The following BANP variants were observed in gnomAD, a reference collection of about 807,000 sequenced individuals.
BANP encodes BTG3 associated nuclear protein, also known as protein BANP.
In BANP, 11 loss-of-function variants were observed where a neutral mutation model predicts 68.1. That is an observed-to-expected ratio of 0.16 (90% CI 0.10 to 0.27). BANP has a LOEUF of 0.27. BANP is among the 10% of genes least tolerant of loss of function. The pLI is 1.00. For missense variants in BANP, 504 were observed against 722.7 expected, an observed-to-expected ratio of 0.70 and a Z score of 3.47; for synonymous variants, 329 against 303.2, an observed-to-expected ratio of 1.09 and a Z score of -0.88.
At chr16:88,027,241 G>C (rs1438461732) in intron 7 of BANP, among the ~76,000 whole-genome samples, 1 of 152,222 alleles carries the variant, frequency 6.6e-6, no homozygotes, top group Non-Finnish European at 1.5e-5. Flanking sequence ...TAAGTAAATG[G>C]AAAGAGTGTG....
rs113704778 is a variant in BANP at position 88,030,302 on chromosome 16, C to A, written c.1063+2652C>A. The stretch of plus-strand genomic sequence containing the variant: ...AATTAACTGACCAGGACATTGAAAT[C>A]TATTAAAATTACATTCAAGAATTTA... On this transcript the variant is annotated intron_variant, in intron 8 of 13. Transcript: ENST00000682872. Among the ~76,000 whole-genome samples the A allele has an allele frequency of 7.1e-4, 108 of 152,162 alleles. 1 individual carries two copies. Among genetic ancestry groups the A allele is most frequent in the African/African-American group, 2.5e-3 (105 of 41,504 alleles).
chr16:88,073,603 T>C (rs547621917), intron 13 of BANP, among the ~76,000 whole-genome samples: 5 of 152,306 alleles, frequency 3.3e-5, no homozygotes, highest in Non-Finnish European at 7.4e-5. Context: ...GCTTATTTTA[T>C]GTGGTGTGAA....
intron 11 of BANP, among the ~76,000 whole-genome samples, chr16:88,040,675 C>A (rs565781709): frequency 1.3e-5 from 2 of 152,216 alleles, no homozygotes; most frequent in Non-Finnish European, 2.9e-5. Context: ...TCAGAAGCAT[C>A]CTTCATGTGA....
chr16:88,027,364 C>G (rs1234674493), intron 7 of BANP, 119 bp from the exon 8 acceptor site: 6 of 1,132,424 alleles, frequency 5.3e-6, no homozygotes, highest in Admixed American at 4.4e-5. Context: ...CGGGGCCGGC[C>G]TGGCGGGCTG....
At position 87,978,623 on chromosome 16, in the gene BANP, G is replaced by A. The variant is rs781268616; in HGVS notation, c.71-2413G>A. On this transcript the variant is annotated intron_variant, in intron 2 of 13. Transcript: ENST00000682872. ...CCTGCCTGTGAGGAGTCATGAGGCC[G>A]AAGGCATAGCCGTGTGCTGTACTCA... 1.4e-4 allele frequency: 68 copies of A among 470,232 alleles called. No homozygotes were observed. In the East Asian group the frequency reaches 1.5e-3, roughly 10 times the overall value. The allele number at this position is 470,232 out of a possible 1,614,324, so 29.1% of individuals were successfully genotyped here. A position where few individuals can be genotyped will look rare whatever the true frequency, so the allele number is the denominator to read the frequency against.
rs946637335 is a variant in BANP at position 87,957,266 on chromosome 16, C to T, written c.-69+5751C>T. The stretch of plus-strand genomic sequence containing the variant: ...TCGGAACCCACAGGTCGCCAGCTTA[C>T]AGCGTGGGAGCTGTGGAAGGACACA... On this transcript the variant is annotated intron_variant, in intron 1 of 13. Coordinates refer to ENST00000682872, the MANE Select transcript of BANP (RefSeq NM_001386991.1). The surrounding 1 kb of genome is among the most constrained non-coding windows in gnomAD (Gnocchi z 4.3). Among the ~76,000 whole-genome samples the T allele has an allele frequency of 6.6e-5, 10 of 152,224 alleles. No individual in the cohort carries two copies. Among genetic ancestry groups the T allele is most frequent in the African/African-American group, 2.2e-4 (9 of 41,450 alleles).
chr16:88,023,190 G>A (rs1354018257), intron 7 of BANP, among the ~76,000 whole-genome samples: 1 of 152,150 alleles, frequency 6.6e-6, no homozygotes, highest in Non-Finnish European at 1.5e-5. Flanking sequence ...GGTCAGTGTG[G>A]GCTTCAGGCA....
intron 8 of BANP, among the ~76,000 whole-genome samples, chr16:88,032,781 C>T (rs989015039): frequency 6.6e-6 from 1 of 152,214 alleles, no homozygotes; most frequent in Non-Finnish European, 1.5e-5. Context: ...TACCCATGGA[C>T]AAATATTGCC....
intron 6 of BANP, among the ~76,000 whole-genome samples, chr16:88,014,247 G>A (rs1035271783): frequency 2.0e-5 from 3 of 152,194 alleles, no homozygotes; most frequent in Non-Finnish European, 4.4e-5. Flanking sequence ...GTGGGGTGGA[G>A]GGCACGGCCA....
intron 7 of BANP, among the ~76,000 whole-genome samples, chr16:88,020,055 A>G (rs1265981190): frequency 6.6e-6 from 1 of 152,230 alleles, no homozygotes; most frequent in Non-Finnish European, 1.5e-5. Flanking sequence ...GGGTAGTATC[A>G]GATAACTCCT....
At chr16:87,983,479 G>C (rs1401935148) in intron 3 of BANP, among the ~76,000 whole-genome samples, 1 of 152,190 alleles carries the variant, frequency 6.6e-6, no homozygotes, top group Non-Finnish European at 1.5e-5. Flanking sequence ...GTTACTTGGA[G>C]TTAGGAATCC....
rs566850343 is a variant in BANP, at chr16:87,957,555, G to A, written c.-69+6040G>A. Among the ~76,000 whole-genome samples the A allele has an allele frequency of 2.0e-5, 3 of 152,344 alleles. No individual in the cohort carries two copies. Among genetic ancestry groups the A allele is most frequent in the Admixed American group, 6.5e-5 (1 of 15,306 alleles). ...AGGGCCCTGCGCTGACAAACCTTTCGCTAGTGACCAGTTACCTTCTGTGTC... is the reference window on the plus strand; with the variant it reads ...AGGGCCCTGCGCTGACAAACCTTTCACTAGTGACCAGTTACCTTCTGTGTC... On this transcript the variant is annotated intron_variant, in intron 1 of 13. Transcript: ENST00000682872. The surrounding 1 kb of genome is among the most constrained non-coding windows in gnomAD (Gnocchi z 4.3).
chr16:87,994,096 C>T (rs924208536), intron 4 of BANP, among the ~76,000 whole-genome samples: 2 of 152,116 alleles, frequency 1.3e-5, no homozygotes, highest in African/African-American at 4.8e-5. Context: ...GACCAGGATG[C>T]GGAGCGCGGC....
At chr16:88,040,036 C>G (rs996542753) in intron 11 of BANP, among the ~76,000 whole-genome samples, 1 of 152,232 alleles carries the variant, frequency 6.6e-6, no homozygotes, top group African/African-American at 2.4e-5. Context: ...GCTCCTGATT[C>G]CTATTATCGG....
chr16:87,984,374 C>T, intron 4 of BANP, 115 bp downstream of exon 4: 1 of 1,120,606 alleles, frequency 8.9e-7, no homozygotes, highest in Non-Finnish European at 1.3e-6. Context: ...CGGTGTCTGC[C>T]TCAGCAGTCT....
intron 11 of BANP, among the ~76,000 whole-genome samples, chr16:88,051,285 G>A (rs1461854727): frequency 6.6e-6 from 1 of 152,242 alleles, no homozygotes; most frequent in Non-Finnish European, 1.5e-5. Flanking sequence ...CCAGAATCTT[G>A]AATGTGAAAA....
chr16:87,966,274 T>C (rs1241955110), intron 1 of BANP, among the ~76,000 whole-genome samples: 2 of 152,164 alleles, frequency 1.3e-5, no homozygotes, highest in Non-Finnish European at 2.9e-5. Flanking sequence ...CTTTCCCATA[T>C]GCGCCCTGAG....
At chr16:88,047,425 A>G (rs1302096624) in intron 11 of BANP, among the ~76,000 whole-genome samples, 1 of 152,218 alleles carries the variant, frequency 6.6e-6, no homozygotes, top group Non-Finnish European at 1.5e-5. Context: ...CCCCCAAACC[A>G]GGAAGCTGAG....
chr16:88,040,328 G>A (rs1423142781), intron 11 of BANP, among the ~76,000 whole-genome samples: 2 of 148,366 alleles, frequency 1.3e-5, no homozygotes, highest in Non-Finnish European at 3.0e-5. Flanking sequence ...TGCAGGCTTC[G>A]TCCTCCGGGC....
Sources: gnomAD v4.1 joint callset for allele counts (sites outside exome capture counted in the v4.1 genomes callset) on GRCh38, gnomAD v4.1.1 for gene constraint, Gnocchi (gnomAD v3.1) non-coding constraint, MANE v1.5 for transcripts, NCBI Gene and HGNC (gene_info 2026-07-23, HGNC 2026-07-21) for gene names.